Variants in DNAH7 observed in about 807,000 individuals in gnomAD.
DNAH7 encodes axonemal beta dynein heavy chain 7.
In DNAH7, 397 loss-of-function variants were observed where a neutral mutation model predicts 444.6. The observed-to-expected ratio is 0.89, with a 90% confidence interval of 0.82 to 0.97. The LOEUF is 0.97. DNAH7 is among the 50% of genes least tolerant of loss of function. The probability of loss-of-function intolerance (pLI) is 0.00; values close to 1 mark genes in which losing one functional copy is unlikely to be tolerated. For synonymous variants in DNAH7, 1,636 were observed against 1,624.4 expected (o/e 1.01, Z -0.17); for missense variants, 4,902 against 4,800.8 (o/e 1.02, Z -0.62).
intron 53 of DNAH7, 113 bp downstream of exon 53, chr2:195,808,569 T>C (rs1696812903): frequency 1.5e-5 from 19 of 1,291,068 alleles, no homozygotes; most frequent in Non-Finnish European, 1.8e-5. Context: ...ATTTGCATTC[T>C]AACATGTGAC....
In DNAH7 at chr2:196,047,553, A is replaced by C. The variant is rs1697215230; in HGVS notation, c.251-54T>G. Reference sequence around the variant, plus strand: ...ATTATTCATCTAAAAGGTAAGCTAAAGCATTTCACATGCTTAAAATAAGAT... The same window carrying C: ...ATTATTCATCTAAAAGGTAAGCTAACGCATTTCACATGCTTAAAATAAGAT... On this transcript the variant is annotated intron_variant, in intron 4 of 64. Coordinates refer to ENST00000312428, the MANE Select transcript of DNAH7 (RefSeq NM_018897.3). The C allele has an allele frequency of 5.1e-6, 7 of 1,375,882 alleles. No homozygotes were observed. The South Asian group carries it at 1.2e-4, about 24-fold the overall frequency. 85.2% of individuals were successfully genotyped at this position (1,375,882 alleles called of 1,614,324 possible).
At chr2:195,776,145 T>TA (rs906741550) in intron 59 of DNAH7, among the ~76,000 whole-genome samples, 162 bp from the exon 60 acceptor site, 9 of 151,328 alleles carry the variant, frequency 5.9e-5, no homozygotes, top group East Asian at 3.9e-4. Flanking sequence ...GGCCAAAGTT[T>TA]AAAAAAAAAT....
In DNAH7 at chr2:195,897,767, TAAAAAA is replaced by T; in HGVS notation, c.4549-8_4549-3del. The T allele has an allele frequency of 5.2e-6, 6 of 1,145,456 alleles. No homozygotes were observed. Among genetic ancestry groups the T allele is most frequent in the African/African-American group, 1.7e-5 (1 of 59,228 alleles). 71.0% of individuals were successfully genotyped at this position (1,145,456 alleles called of 1,614,324 possible). A position where few individuals can be genotyped will look rare whatever the true frequency, so the allele number is the denominator to read the frequency against. Reference sequence around the variant, plus strand: ...TTCATTTTCATTTGGATATTTCAGCTAAAAAAAAAAAAAAAAACTCATGAGGATATC... The same window carrying T: ...TTCATTTTCATTTGGATATTTCAGCTAAAAAAAAAAACTCATGAGGATATC... On this transcript the variant is annotated splice_region_variant and splice_polypyrimidine_tract_variant and intron_variant, in intron 28 of 64. Transcript: ENST00000312428.
Position 195,979,373 on chromosome 2 carries a change from C to CAGTG in DNAH7, c.1833+5255_1833+5258dup, listed in dbSNP as rs376126758. Among the ~76,000 whole-genome samples, 466 of 152,180 alleles carry CAGTG rather than the reference C, an allele frequency of 3.1e-3. 1 individual carries two copies. Among genetic ancestry groups the CAGTG allele is most frequent in the Non-Finnish European group, 5.0e-3 (340 of 67,998 alleles). On this transcript the variant is annotated intron_variant, in intron 15 of 64. Transcript: ENST00000312428. Reference sequence around the variant, plus strand: ...ATTAAACAATATGCTCCTGAATGATCAGTGAGTCAATGAAGAAATTAAGAA... The same window carrying CAGTG: ...ATTAAACAATATGCTCCTGAATGATCAGTGAGTGAGTCAATGAAGAAATTAAGAA...
At chr2:195,808,489 C>G (rs927686771) in intron 53 of DNAH7, among the ~76,000 whole-genome samples, 193 bp downstream of exon 53, 57 of 152,188 alleles carry the variant, frequency 3.7e-4, no homozygotes, top group African/African-American at 1.4e-3. Flanking sequence ...CATCTTAATA[C>G]ATTTCAAGGA....
In DNAH7 at chr2:195,883,260, A is replaced by T. The variant is rs561527178; in HGVS notation, c.5764-1268T>A. Among the ~76,000 whole-genome samples, 31 of 152,266 alleles carry T rather than the reference A, an allele frequency of 2.0e-4. 1 individual carries two copies. Among genetic ancestry groups the T allele is most frequent in the African/African-American group, 7.2e-4 (30 of 41,544 alleles). On this transcript the variant is annotated intron_variant, in intron 35 of 64. Transcript: ENST00000312428. ...CAGGAGATTGAGACCATCCTGGCTA[A>T]CACGGTGAAACCCCGTCTCTACTAA...
intron 19 of DNAH7, among the ~76,000 whole-genome samples, chr2:195,940,836 C>G (rs1689380397): frequency 6.6e-6 from 1 of 152,154 alleles, no homozygotes; most frequent in Non-Finnish European, 1.5e-5. Flanking sequence ...CATCTCATGC[C>G]AGTTAGAATG....
At chr2:196,057,866 T>C (rs916137374) in intron 2 of DNAH7, among the ~76,000 whole-genome samples, 188 bp downstream of exon 2, 3 of 152,198 alleles carry the variant, frequency 2.0e-5, no homozygotes, top group Non-Finnish European at 4.4e-5. Context: ...TTACAGCCTA[T>C]AGTTATTTTA....
intron 55 of DNAH7, 120 bp downstream of exon 55, chr2:195,799,176 T>G (rs1443314026): frequency 3.5e-6 from 3 of 852,818 alleles, no homozygotes; most frequent in Non-Finnish European, 3.3e-6. Context: ...TGTCAACTTG[T>G]GATAACTTTC....
rs553620790 is a variant in DNAH7 at position 195,777,999 on chromosome 2, T to C, written c.10879-14A>G. 30 of 1,583,336 alleles carry C rather than the reference T, an allele frequency of 1.9e-5. No individual in the cohort carries two copies. In the East Asian group the frequency reaches 6.6e-4, roughly 35 times the overall value. On this transcript the variant is annotated splice_polypyrimidine_tract_variant and intron_variant, in intron 58 of 64. Transcript: ENST00000312428. Reference sequence around the variant, plus strand: ...ATACGGCAGTTCCTAAAATAGTGCGTGTCAGTCAACCAGTTATCAGTAGCA... The same window carrying C: ...ATACGGCAGTTCCTAAAATAGTGCGCGTCAGTCAACCAGTTATCAGTAGCA...
At chr2:195,999,209 A>G (rs777368839) in intron 12 of DNAH7, 1 of 717,434 alleles carries the variant, frequency 1.4e-6, no homozygotes, top group South Asian at 1.5e-5. Context: ...TGAATATGAG[A>G]AAAGTAAAAA....
At chr2:195,765,252 A>T (rs565416202) in intron 61 of DNAH7, among the ~76,000 whole-genome samples, 48 of 152,328 alleles carry the variant, frequency 3.2e-4, no homozygotes, top group Non-Finnish European at 1.3e-4. Flanking sequence ...GCTTAAATCT[A>T]AGACCTCAAA....
At chr2:196,063,321 T>C (rs1311218098) in intron 1 of DNAH7, 1 of 152,258 alleles carries the variant, frequency 6.6e-6, no homozygotes, top group African/African-American at 2.4e-5. Flanking sequence ...AACTGCAGAA[T>C]GTTTCTAACT....
chr2:195,991,992 T>A (rs1204633215), intron 12 of DNAH7, among the ~76,000 whole-genome samples: 1 of 152,198 alleles, frequency 6.6e-6, no homozygotes, highest in Non-Finnish European at 1.5e-5. Flanking sequence ...TCCTTTAGTT[T>A]TTAAAACAAT....
chr2:195,838,832 A>ATTTTACTTTTAATATAACTATATT (rs1698523764), intron 47 of DNAH7, among the ~76,000 whole-genome samples: 1 of 151,994 alleles, frequency 6.6e-6, no homozygotes, highest in Non-Finnish European at 1.5e-5. Flanking sequence ...GAAAACCATC[A>ATTTTACTTTTAATATAACTATATT]AGGATAAAGG....
At chr2:195,957,793 G>A (rs1022802467) in intron 18 of DNAH7, among the ~76,000 whole-genome samples, 13 of 151,786 alleles carry the variant, frequency 8.6e-5, no homozygotes, top group Admixed American at 2.6e-4. Flanking sequence ...AGATATACAC[G>A]TTAAGATATA....
intron 51 of DNAH7, among the ~76,000 whole-genome samples, chr2:195,812,359 C>T (rs971575834): frequency 3.3e-5 from 5 of 152,136 alleles, no homozygotes; most frequent in East Asian, 1.9e-4. Flanking sequence ...TTTCTATGGG[C>T]GGCAGACAGG....
At chr2:195,906,868 T>C (rs1559209783) in intron 26 of DNAH7, 39 bp downstream of exon 26, 1 of 1,609,760 alleles carries the variant, frequency 6.2e-7, no homozygotes, top group Non-Finnish European at 8.5e-7. Flanking sequence ...TCATATTTCT[T>C]TTATTTTCAC....
chr2:195,740,634 T>C (rs868566454), intron 64 of DNAH7, 132 bp downstream of exon 64: 6 of 100,758 alleles, frequency 6.0e-5, no homozygotes, highest in Non-Finnish European at 1.1e-4. Context: ...TATATATATA[T>C]ATATATATAT....
Sources: allele counts gnomAD v4.1 joint callset (sites outside exome capture counted in the v4.1 genomes callset), GRCh38; gene constraint gnomAD v4.1.1; transcripts MANE v1.5; gene names NCBI Gene and HGNC (gene_info 2026-07-23, HGNC 2026-07-21).